The following FARP1 variants were observed in gnomAD, a reference collection of about 807,000 sequenced individuals.
FARP1 encodes FERM, ARH/RhoGEF and pleckstrin domain protein 1.
A neutral mutation model predicts 128.8 loss-of-function variants in FARP1; 52 were observed. The ratio of observed to expected loss-of-function variants is 0.40; its 90% CI spans 0.32 to 0.51. FARP1 has a LOEUF of 0.51. FARP1 is among the 20% of genes least tolerant of loss of function. FARP1 has a pLI of 0.45. For synonymous variants in FARP1, 580 were observed against 551.8 expected, an observed-to-expected ratio of 1.05 and a Z score of -0.72; for missense variants, 1,333 against 1,367.9, an observed-to-expected ratio of 0.97 and a Z score of 0.40.
intron 2 of FARP1, among the ~76,000 whole-genome samples, chr13:98,283,714 A>C (rs776414037): frequency 6.6e-6 from 1 of 152,174 alleles, no homozygotes; most frequent in African/African-American, 2.4e-5. Flanking sequence ...AATTTTCCTC[A>C]GCCTATAATG....
chr13:98,223,192 C>T (rs1051307446), intron 2 of FARP1, among the ~76,000 whole-genome samples: 1 of 152,242 alleles, frequency 6.6e-6, no homozygotes, highest in South Asian at 2.1e-4. Context: ...ATCAGTTTTA[C>T]AGCCTGGATG....
chr13:98,163,783 A>C (rs573472621), intron 1 of FARP1, among the ~76,000 whole-genome samples: 51 of 151,062 alleles, frequency 3.4e-4, no homozygotes, highest in African/African-American at 1.1e-3. Flanking sequence ...ATCTCAGCTC[A>C]CTGCAACCTC....
At chr13:98,322,873 ATTTGCC>A (rs1220192744) in intron 2 of FARP1, among the ~76,000 whole-genome samples, 3 of 152,184 alleles carry the variant, frequency 2.0e-5, no homozygotes. Flanking sequence ...CACACAGATG[ATTTGCC>A]TAGAAATTTG....
In FARP1 at chr13:98,256,175, C is replaced by T. The variant is rs572128832; in HGVS notation, c.171+42762C>T. On this transcript the variant is annotated intron_variant, in intron 2 of 26. Transcript: ENST00000319562. Reference sequence around the variant, plus strand: ...GAAAATCATAGGTCCACCTAAGTTACGGTTCATCATTCTATACAGGTATTA... The same window carrying T: ...GAAAATCATAGGTCCACCTAAGTTATGGTTCATCATTCTATACAGGTATTA... Among the ~76,000 whole-genome samples, 109 of 152,228 alleles carry T rather than the reference C, an allele frequency of 7.2e-4. 2 individuals are homozygous for T. In the South Asian group the frequency reaches 0.021, roughly 29 times the overall value.
At chr13:98,287,927 G>A (rs545392623) in intron 2 of FARP1, among the ~76,000 whole-genome samples, 6 of 151,078 alleles carry the variant, frequency 4.0e-5, no homozygotes, top group South Asian at 2.1e-4. Flanking sequence ...TCAGCCTCCC[G>A]AGTAGCTGGG....
intron 24 of FARP1, among the ~76,000 whole-genome samples, chr13:98,441,995 G>T (rs145262065): frequency 1.3e-5 from 2 of 152,172 alleles, no homozygotes; most frequent in African/African-American, 4.8e-5. Context: ...CTTCAAGCCC[G>T]TGAAGGTGTG....
intron 2 of FARP1, among the ~76,000 whole-genome samples, chr13:98,249,543 G>A (rs1594320570): frequency 1.3e-5 from 2 of 152,054 alleles, no homozygotes; most frequent in African/African-American, 4.8e-5. Flanking sequence ...TTTTCCTTGT[G>A]GCAACAGAGA....
At chr13:98,220,448 T>C (rs1881351209) in intron 2 of FARP1, among the ~76,000 whole-genome samples, 1 of 152,236 alleles carries the variant, frequency 6.6e-6, no homozygotes, top group Non-Finnish European at 1.5e-5. Context: ...TTCACCCAGC[T>C]TTAAAAAATA....
chr13:98,305,645 T>C (rs1020175360), intron 2 of FARP1, among the ~76,000 whole-genome samples: 2 of 152,192 alleles, frequency 1.3e-5, no homozygotes, highest in Non-Finnish European at 2.9e-5. Context: ...GAGAATTTCC[T>C]TAATGTGAAA....
At chr13:98,308,824 C>T (rs1886309120) in intron 2 of FARP1, among the ~76,000 whole-genome samples, 1 of 151,564 alleles carries the variant, frequency 6.6e-6, no homozygotes, top group African/African-American at 2.4e-5. Context: ...ATGCCACCAC[C>T]ATGCCTGGCT....
intron 3 of FARP1, among the ~76,000 whole-genome samples, chr13:98,364,623 C>T (rs931342852): frequency 6.6e-6 from 1 of 152,154 alleles, no homozygotes; most frequent in African/African-American, 2.4e-5. Flanking sequence ...GGAACCCTTT[C>T]AAATGACTAG....
chr13:98,272,755 C>T (rs1884449643), intron 2 of FARP1, among the ~76,000 whole-genome samples: 1 of 152,144 alleles, frequency 6.6e-6, no homozygotes, highest in Admixed American at 6.5e-5. Flanking sequence ...GGCTTGAGCT[C>T]CTATCAGCTC....
At position 98,452,973 on chromosome 13, in the gene FARP1, T is replaced by TCC. The variant is rs1893267859; in HGVS notation, c.*4659_*4660dup. ...AATGATCGCTGGAAGGAGCTGACCC[T>TCC]CCCCACCCATCTGAGAGACTTCATC... On this transcript the variant is annotated 3_prime_UTR_variant, in exon 27 of 27. Coordinates refer to ENST00000319562, the MANE Select transcript of FARP1 (RefSeq NM_005766.4). The TCC allele has an allele frequency of 2.0e-6, 1 of 505,600 alleles. No homozygotes were observed. Among genetic ancestry groups the TCC allele is most frequent in the Non-Finnish European group, 3.5e-6 (1 of 287,732 alleles). 31.3% of individuals were successfully genotyped at this position (505,600 alleles called of 1,614,324 possible). A position where few individuals can be genotyped will look rare whatever the true frequency, so the allele number is the denominator to read the frequency against.
rs372874569 is a variant in FARP1, at chr13:98,431,082, G to A, written c.1945G>A (p.Glu649Lys). The A allele has an allele frequency of 1.9e-6, 3 of 1,614,016 alleles. No homozygotes were observed. Among genetic ancestry groups the A allele is most frequent in the African/African-American group, 2.7e-5 (2 of 74,932 alleles). The change falls in exon 18 of 27, where the codon GAG becomes AAG. Residue 649 changes from glutamate (E) to lysine (K), a missense_variant. Physicochemically the swap from Glu to Lys is moderately conservative, Grantham distance 56. This residue lies in a region of FARP1 where 1,009 missense variants were observed against 969.8 expected (regional missense o/e 1.04). Coordinates refer to ENST00000319562, the MANE Select transcript of FARP1 (RefSeq NM_005766.4). Reference protein sequence around the residue: ...AHLWKHSEALEALENGIKSSR... With the variant: ...AHLWKHSEALKALENGIKSSR... ...CCTGTGGAAGCACAGCGAGGCCTTG[G>A]AGGCCCTGGAGAATGGAATCAAGAG...
chr13:98,430,989 A>G (rs933763682), intron 17 of FARP1, 54 bp from the exon 18 acceptor site: 1 of 1,160,078 alleles, frequency 8.6e-7, no homozygotes, highest in Non-Finnish European at 1.3e-6. Context: ...TGGGCAGAAC[A>G]CAGGTGCATC....
At chr13:98,443,421 T>TGC (rs1892611564) in intron 24 of FARP1, among the ~76,000 whole-genome samples, 1 of 151,638 alleles carries the variant, frequency 6.6e-6, no homozygotes, top group Non-Finnish European at 1.5e-5. Flanking sequence ...GCAGCCCTCA[T>TGC]GTGCCAGACG....
intron 3 of FARP1, among the ~76,000 whole-genome samples, chr13:98,346,874 G>A (rs891366248): frequency 2.0e-5 from 3 of 152,214 alleles, no homozygotes; most frequent in African/African-American, 7.2e-5. Flanking sequence ...TGCTGGTTCC[G>A]TGGATACAAT....
intron 2 of FARP1, among the ~76,000 whole-genome samples, chr13:98,275,097 G>A (rs1884573755): frequency 6.6e-6 from 1 of 152,194 alleles, no homozygotes; most frequent in Admixed American, 6.5e-5. Context: ...TCTTTTGAAA[G>A]TAACATGATA....
At position 98,341,817 on chromosome 13, in the gene FARP1, C is replaced by T. The variant is rs114068539; in HGVS notation, c.172-1945C>T. 3.2e-3 allele frequency among the ~76,000 whole-genome samples: 483 copies of T among 152,192 alleles called. 3 individuals carry two copies. The highest frequency in any genetic ancestry group is 0.011 in the African/African-American group (445 of 41,532). On this transcript the variant is annotated intron_variant, in intron 2 of 26. Transcript: ENST00000319562. ...TGATTCTAAGCTCTTTAGGGTAGAA[C>T]GTGGGTTCTTATATATAATATTCCC...
Sources: allele counts gnomAD v4.1 joint callset (sites outside exome capture counted in the v4.1 genomes callset), GRCh38; gene constraint gnomAD v4.1.1; regional missense constraint gnomAD v4.1.1; transcripts MANE v1.5; gene names NCBI Gene and HGNC (gene_info 2026-07-23, HGNC 2026-07-21).